The following OR2B11 variants were observed in gnomAD, a reference collection of about 807,000 sequenced individuals.
OR2B11 encodes olfactory receptor family 2 subfamily B member 11, also known as olfactory receptor 2B11.
For missense variants in OR2B11, 422 were observed against 400.0 expected (o/e 1.05, Z -0.47); for synonymous variants, 198 against 174.5 (o/e 1.13, Z -1.06).
rs1253511006 is a variant in OR2B11 at position 247,452,459 on chromosome 1, G to C, written c.-477C>G. ...TTCTTAGGCTTTCCCATTTTGGGAG[G>C]TAGTGGTAGGAGGGAGGCAGGCGGT... On this transcript the variant is annotated 5_prime_UTR_variant, in exon 2 of 2. Transcript: ENST00000641149. 6.2e-6 allele frequency: 1 copy of C among 162,236 alleles called. No homozygotes were observed. Among genetic ancestry groups the C allele is most frequent in the East Asian group, 1.7e-4 (1 of 5,784 alleles). The allele number at this position is 162,236 out of a possible 1,614,324, so 10.0% of individuals were successfully genotyped here.
In OR2B11 at chr1:247,452,482, G is replaced by A. The variant is rs11802680; in HGVS notation, c.-500C>T. On this transcript the variant is annotated 5_prime_UTR_variant, in exon 2 of 2. Transcript: ENST00000641149. ...AGGTAGTGGTAGGAGGGAGGCAGGC[G>A]GTGACATAAAGCAAGCAGAAGGGCT... The A allele has an allele frequency of 0.18, 28,309 of 160,816 alleles. 2,817 individuals are homozygous for A. The highest frequency in any genetic ancestry group is 0.25 in the South Asian group (1,418 of 5,784). 10.0% of individuals were successfully genotyped at this position (160,816 alleles called of 1,614,324 possible).
chr1:247,452,409 C>G lies in OR2B11; in HGVS notation c.-427G>C, dbSNP rs1280932739. 1 of 170,298 alleles carries G rather than the reference C, an allele frequency of 5.9e-6. No homozygotes were observed. The allele number at this position is 170,298 out of a possible 1,614,324, so 10.5% of individuals were successfully genotyped here. On this transcript the variant is annotated 5_prime_UTR_variant, in exon 2 of 2. Coordinates refer to ENST00000641149, the MANE Select transcript of OR2B11 (RefSeq NM_001004492.2). ...CAGAGTGTTTGATTTCTCTCTACAT[C>G]CACATCGACAAGGAATTGTCCACCT...
Position 247,458,059 on chromosome 1 carries a change from T to C in OR2B11, c.-3503A>G, listed in dbSNP as rs1377643896. The C allele has an allele frequency of 6.6e-6, 1 of 152,250 alleles. No individual in the cohort carries two copies. The highest frequency in any genetic ancestry group is 1.5e-5 in the Non-Finnish European group (1 of 68,084). 9.4% of individuals were successfully genotyped at this position (152,250 alleles called of 1,614,324 possible). Reference sequence around the variant, plus strand: ...CACACCTTGCCCGTGTCACGCTCTCTGTTCATTTCAAAATTATCCCTCAGA... The same window carrying C: ...CACACCTTGCCCGTGTCACGCTCTCCGTTCATTTCAAAATTATCCCTCAGA... On this transcript the variant is annotated 5_prime_UTR_variant, in exon 1 of 2. Coordinates refer to ENST00000641149, the MANE Select transcript of OR2B11 (RefSeq NM_001004492.2).
At position 247,451,677 on chromosome 1, in the gene OR2B11, A is replaced by G. The variant is rs148376763; in HGVS notation, c.306T>C (p.Thr102=). The G allele has an allele frequency of 8.3e-5, 134 of 1,614,056 alleles. No homozygotes were observed. Among genetic ancestry groups the G allele is most frequent in the Admixed American group, 1.7e-4 (10 of 60,010 alleles). ...SQKTISYGGC[T]VQYAVFHWLG... is the part of the protein sequence containing the mutation. ...GCCAGTGGAAGACTGCATATTGCACAGTGCAGCCTCCATAGCTGATGGTCT... is the reference window on the plus strand; with the variant it reads ...GCCAGTGGAAGACTGCATATTGCACGGTGCAGCCTCCATAGCTGATGGTCT... The change falls in exon 2 of 2, where the codon ACT becomes ACC. Residue 102 remains threonine (T), a synonymous_variant. Coordinates refer to ENST00000641149, the MANE Select transcript of OR2B11 (RefSeq NM_001004492.2).
chr1:247,455,982 T>A (rs1664958001), intron 1 of OR2B11, among the ~76,000 whole-genome samples: 1 of 152,180 alleles, frequency 6.6e-6, no homozygotes, highest in Non-Finnish European at 1.5e-5. Context: ...TTCATAACAC[T>A]TTAATTTGAA....
In OR2B11 at chr1:247,451,891, AGAGG is replaced by A. The variant is rs774115490; in HGVS notation, c.88_91del (p.Pro30SerfsTer136). 7 of 1,614,128 alleles carry A rather than the reference AGAGG, an allele frequency of 4.3e-6. No individual in the cohort carries two copies. Among genetic ancestry groups the A allele is most frequent in the Non-Finnish European group, 5.9e-6 (7 of 1,180,020 alleles). On this transcript the variant is annotated frameshift_variant, in exon 2 of 2. Transcript: ENST00000641149. LOFTEE classifies it low-confidence loss of function (END_TRUNC). The stretch of plus-strand genomic sequence containing the variant: ...ATAGGACAGCAGGAGGACCACAAAG[AGAGG>A]GAGTTCCAGCCACGGCCTGTCAGAC...
chr1:247,450,758 G>C lies in OR2B11; in HGVS notation c.*271C>G, dbSNP rs1664825285. On this transcript the variant is annotated 3_prime_UTR_variant, in exon 2 of 2. Transcript: ENST00000641149. ...AATATAGGAAGAGGAAAAGAGAAAA[G>C]AATCAGGAAATTGGAAGTGAAATAA... 6.9e-6 allele frequency: 2 copies of C among 291,570 alleles called. No individual in the cohort carries two copies. Among genetic ancestry groups the C allele is most frequent in the Non-Finnish European group, 1.3e-5 (2 of 158,720 alleles). 18.1% of individuals were successfully genotyped at this position (291,570 alleles called of 1,614,324 possible).
At position 247,451,842 on chromosome 1, in the gene OR2B11, G is replaced by T; in HGVS notation, c.141C>A (p.Val47=). ...CCACCCGGGATGCCAGGATGATGGC[G>T]ACGTTCCCCAACATGGCCAGCACAT... ...LSYVLAMLGN[V]AIILASRVDP... Residue 47 remains valine (V), a synonymous_variant, in exon 2 of 2, where the codon GTC becomes GTA. Transcript: ENST00000641149. The T allele has an allele frequency of 6.2e-7, 1 of 1,614,120 alleles. No individual in the cohort carries two copies. The highest frequency in any genetic ancestry group is 8.5e-7 in the Non-Finnish European group (1 of 1,180,022).
Position 247,451,968 on chromosome 1 carries a change from G to T in OR2B11, c.15C>A (p.Asn5Lys). 1.9e-6 allele frequency: 3 copies of T among 1,603,664 alleles called. No individual in the cohort carries two copies. The highest frequency in any genetic ancestry group is 2.6e-6 in the Non-Finnish European group (3 of 1,171,450). Residue 5 changes from asparagine to lysine, a missense_variant, in exon 2 of 2, where the codon AAC becomes AAA. By Grantham distance (94) the Asn-to-Lys change is moderately conservative. Coordinates refer to ENST00000641149, the MANE Select transcript of OR2B11 (RefSeq NM_001004492.2). Reference protein sequence around the residue: MKSDNHSFLGDSPKA... With the variant: MKSDKHSFLGDSPKA... ...TAGGGGAGTCCCCTAAGAAGCTATG[G>T]TTGTCACTTTTCATGTTGCGGCATT...
intron 1 of OR2B11, among the ~76,000 whole-genome samples, chr1:247,455,882 A>T (rs1443945757): frequency 1.3e-5 from 2 of 152,118 alleles, no homozygotes; most frequent in Non-Finnish European, 2.9e-5. Flanking sequence ...CTAATTTAAC[A>T]CTATTCATCA....
At chr1:247,455,358 C>G (rs1042410077) in intron 1 of OR2B11, among the ~76,000 whole-genome samples, 14 of 152,204 alleles carry the variant, frequency 9.2e-5, no homozygotes, top group African/African-American at 3.1e-4. Context: ...CCGGGATAGC[C>G]TGGTCCAGGC....
chr1:247,456,846 A>G (rs1664973969), intron 1 of OR2B11, among the ~76,000 whole-genome samples: 2 of 152,160 alleles, frequency 1.3e-5, no homozygotes, highest in Admixed American at 6.5e-5. Context: ...ACTAATGAGA[A>G]CATGAACATG....
In OR2B11 at chr1:247,451,460, G is replaced by A. The variant is rs1216004925; in HGVS notation, c.523C>T (p.Arg175Trp). The A allele has an allele frequency of 4.3e-6, 7 of 1,614,016 alleles. No homozygotes were observed. Among genetic ancestry groups the A allele is most frequent in the South Asian group, 3.3e-5 (3 of 91,088 alleles). ...CAGAAAAAGTTGTTCAGCACCTGCC[G>A]CCCGCAGAATGGCAATTGCACCGTC... is the stretch of plus-strand genomic sequence containing the variant. ...VLTVQLPFCGRQVLNNFFCEV... is the reference protein window; with the variant it reads ...VLTVQLPFCGWQVLNNFFCEV... The change falls in exon 2 of 2, where the codon CGG (arginine) becomes TGG (tryptophan). Residue 175 changes from arginine to tryptophan, a missense_variant. Coordinates refer to ENST00000641149, the MANE Select transcript of OR2B11 (RefSeq NM_001004492.2).
Position 247,451,272 on chromosome 1 carries a change from T to TC in OR2B11, c.710dup (p.Arg238ThrfsTer62). The TC allele has an allele frequency of 1.2e-6, 2 of 1,613,774 alleles. No individual in the cohort carries two copies. Among genetic ancestry groups the TC allele is most frequent in the Non-Finnish European group, 1.7e-6 (2 of 1,179,794 alleles). On this transcript the variant is annotated frameshift_variant, in exon 2 of 2. Coordinates refer to ENST00000641149, the MANE Select transcript of OR2B11 (RefSeq NM_001004492.2). LOFTEE classifies it low-confidence loss of function (END_TRUNC). ...AACACGTCCCAAAGGCCTTGTGTCG[T>TC]CCCTTGGAGGACTGGATCCTGAGCA...
chr1:247,449,128 A>G (rs548710196), downstream of OR2B11: 2 of 152,478 alleles, frequency 1.3e-5, no homozygotes, highest in East Asian at 3.8e-4. Context: ...GAAATTTTTC[A>G]AATTATTTCT....
rs1444199812 is a variant in OR2B11 at position 247,454,948 on chromosome 1, G to A, written c.-2966C>T. On this transcript the variant is annotated 5_prime_UTR_variant, in exon 2 of 2. Transcript: ENST00000641149. ...AAACGTAAGAACCCGTCGCTCAAGAGTTACCTGCTGATTGTATCATGTTCA... is the reference window on the plus strand; with the variant it reads ...AAACGTAAGAACCCGTCGCTCAAGAATTACCTGCTGATTGTATCATGTTCA... The A allele has an allele frequency of 1.3e-5, 2 of 152,166 alleles. No individual in the cohort carries two copies. Among genetic ancestry groups the A allele is most frequent in the Non-Finnish European group, 2.9e-5 (2 of 68,046 alleles). The allele number at this position is 152,166 out of a possible 1,614,324, so 9.4% of individuals were successfully genotyped here.
At chr1:247,456,659 G>A (rs369037601) in intron 1 of OR2B11, among the ~76,000 whole-genome samples, 66 of 150,372 alleles carry the variant, frequency 4.4e-4, no homozygotes, top group East Asian at 4.3e-3. Context: ...TGTGCAGAAC[G>A]TGGAGGTTTG....
rs1216510237 is a variant in OR2B11 at position 247,451,081 on chromosome 1, A to G, written c.902T>C (p.Met301Thr). The G allele has an allele frequency of 6.6e-7, 1 of 1,511,588 alleles. No homozygotes were observed. Among genetic ancestry groups the G allele is most frequent in the South Asian group, 1.4e-5 (1 of 73,438 alleles). 93.6% of individuals were successfully genotyped at this position (1,511,588 alleles called of 1,614,324 possible). A position where few individuals can be genotyped will look rare whatever the true frequency, so the allele number is the denominator to read the frequency against. Residue 301 changes from methionine (M) to threonine (T), a missense_variant, in exon 2 of 2, where the codon ATG (methionine) becomes ACG (threonine). By Grantham distance (81) the Met-to-Thr change is moderately conservative. Coordinates refer to ENST00000641149, the MANE Select transcript of OR2B11 (RefSeq NM_001004492.2). ...CAGAAGTCTCCTCAGAGCCCCCTTCATATCTTTATTTCTCAGGGTGTAGGT... is the reference window on the plus strand; with the variant it reads ...CAGAAGTCTCCTCAGAGCCCCCTTCGTATCTTTATTTCTCAGGGTGTAGGT... ...PFTYTLRNKD[M>T]KGALRRLLAR... is the part of the protein sequence containing the mutation.
At chr1:247,455,448 C>G (rs1344183382) in intron 1 of OR2B11, among the ~76,000 whole-genome samples, 2 of 152,186 alleles carry the variant, frequency 1.3e-5, no homozygotes, top group Non-Finnish European at 2.9e-5. Context: ...GCAGTATTTT[C>G]CTGAACTGAT....
Sources: allele counts gnomAD v4.1 joint callset (sites outside exome capture counted in the v4.1 genomes callset), GRCh38; gene constraint gnomAD v4.1.1; transcripts MANE v1.5; gene names NCBI Gene and HGNC (gene_info 2026-07-23, HGNC 2026-07-21).